The following DCN variants were observed in gnomAD, a reference collection of about 807,000 sequenced individuals.
DCN encodes the protein decorin.
DCN carries 17 observed loss-of-function variants against 36.5 expected under a neutral mutation model. That is an observed-to-expected ratio of 0.47 (90% CI 0.32 to 0.70). The LOEUF is 0.70. Among genes scored for constraint, DCN ranks in the 30% least tolerant of loss-of-function variants. The pLI is 0.04. For missense variants in DCN, 389 were observed against 430.1 expected (o/e 0.90, Z 0.84); for synonymous variants, 163 against 161.4 (o/e 1.01, Z -0.07).
intron 2 of DCN, chr12:91,177,287 T>C: frequency 5.0e-6 from 2 of 401,206 alleles, no homozygotes; most frequent in South Asian, 9.7e-5. Context: ...TTTTTCTGGG[T>C]TCCTATAGGC....
intron 7 of DCN, among the ~76,000 whole-genome samples, chr12:91,150,265 C>G (rs989124957): frequency 1.3e-5 from 2 of 152,060 alleles, no homozygotes; most frequent in Non-Finnish European, 2.9e-5. Context: ...CATTTATGAT[C>G]GAGTGATTTT....
At chr12:91,173,022 T>TC (rs1197137029) in intron 2 of DCN, among the ~76,000 whole-genome samples, 1 of 152,100 alleles carries the variant, frequency 6.6e-6, no homozygotes, top group African/African-American at 2.4e-5. Flanking sequence ...GTTAAAGCAG[T>TC]CCACAGACTA....
chr12:91,180,552 G>A (rs1392836193), intron 1 of DCN: 1 of 152,106 alleles, frequency 6.6e-6, no homozygotes, highest in Non-Finnish European at 1.5e-5. Context: ...CTACTGATAT[G>A]TGTCTAAGGC....
chr12:91,156,035 G>GA (rs1881744497), intron 5 of DCN, among the ~76,000 whole-genome samples: 1 of 152,190 alleles, frequency 6.6e-6, no homozygotes, highest in Admixed American at 6.5e-5. Flanking sequence ...AGACTGAGGG[G>GA]AAAACTAGAT....
chr12:91,157,852 TCTC>T (rs1225765082), intron 4 of DCN, among the ~76,000 whole-genome samples: 6 of 152,066 alleles, frequency 3.9e-5, no homozygotes, highest in Non-Finnish European at 8.8e-5. Flanking sequence ...ATGGTCTCGA[TCTC>T]CTGACCTCGT....
chr12:91,177,541 C>T (rs892812394), intron 2 of DCN: 2 of 702,002 alleles, frequency 2.8e-6, no homozygotes, highest in Admixed American at 2.0e-5. Flanking sequence ...AGTTCATTCC[C>T]CTTTGGCCCA....
At chr12:91,159,938 G>A (rs917233999) in intron 3 of DCN, among the ~76,000 whole-genome samples, 2 of 152,056 alleles carry the variant, frequency 1.3e-5, no homozygotes, top group African/African-American at 2.4e-5. Context: ...ATAGGAAAGC[G>A]AGTATTTTTA....
At chr12:91,158,534 T>C in intron 3 of DCN, 25 bp from the exon 4 acceptor site, 1 of 1,227,982 alleles carries the variant, frequency 8.1e-7, no homozygotes, top group Non-Finnish European at 1.2e-6. Flanking sequence ...GAAAAACATC[T>C]CTTTAAATCC....
intron 2 of DCN, chr12:91,175,467 G>T (rs1232241879): frequency 1.3e-5 from 2 of 151,886 alleles, no homozygotes; most frequent in Admixed American, 6.6e-5. Flanking sequence ...AATTTCATAG[G>T]TTTTTACTTC....
intron 2 of DCN, chr12:91,176,592 T>C (rs1366943389): frequency 6.6e-6 from 1 of 152,128 alleles, no homozygotes; most frequent in Non-Finnish European, 1.5e-5. Context: ...AGTGCTTTCA[T>C]CAGGGTCAAG....
At chr12:91,154,159 C>T (rs1031899597) in intron 5 of DCN, among the ~76,000 whole-genome samples, 9 of 152,092 alleles carry the variant, frequency 5.9e-5, no homozygotes, top group African/African-American at 1.9e-4. Context: ...TCACATCACA[C>T]TGAATTCTGT....
chr12:91,165,025 T>G (rs898866263), intron 2 of DCN, among the ~76,000 whole-genome samples: 1 of 152,212 alleles, frequency 6.6e-6, no homozygotes, highest in South Asian at 2.1e-4. Context: ...ATGTTTTACC[T>G]CTTTGTTGTT....
chr12:91,162,901 A>C (rs1882250528), intron 3 of DCN, among the ~76,000 whole-genome samples: 1 of 152,080 alleles, frequency 6.6e-6, no homozygotes, highest in Non-Finnish European at 1.5e-5. Context: ...CCACCTCTCC[A>C]TCCACGGTGC....
At chr12:91,154,455 G>A (rs987164821) in intron 5 of DCN, among the ~76,000 whole-genome samples, 2 of 152,014 alleles carry the variant, frequency 1.3e-5, no homozygotes, top group African/African-American at 4.8e-5. Context: ...ATTTTTTAAT[G>A]CAGTGCCTCC....
rs1301680727 is a variant in DCN, at chr12:91,178,611, A to AC, written c.-33-27_-33-26insG. The AC allele has an allele frequency of 1.2e-3, 1,787 of 1,431,962 alleles. 6 individuals carry two copies. Among genetic ancestry groups the AC allele is most frequent in the Middle Eastern group, 8.7e-3 (50 of 5,752 alleles). The allele number at this position is 1,431,962 out of a possible 1,614,324, so 88.7% of individuals were successfully genotyped here. On this transcript the variant is annotated intron_variant, in intron 1 of 7. Coordinates refer to ENST00000052754, the MANE Select transcript of DCN (RefSeq NM_001920.5). ...CTAGGAAACAAATGAGAGATTTAAGAAGAGTAGCACTGCCTAATCTGTGTG... is the reference window on the plus strand; with the variant it reads ...CTAGGAAACAAATGAGAGATTTAAGACAGAGTAGCACTGCCTAATCTGTGTG...
At chr12:91,156,982 A>G in intron 5 of DCN, 93 bp downstream of exon 5, 1 of 854,178 alleles carries the variant, frequency 1.2e-6, no homozygotes, top group East Asian at 2.6e-5. Flanking sequence ...TTGGCCTCTT[A>G]GGTGACAATT....
chr12:91,169,053 A>G (rs1433326664), intron 2 of DCN, among the ~76,000 whole-genome samples: 1 of 152,188 alleles, frequency 6.6e-6, no homozygotes, highest in Non-Finnish European at 1.5e-5. Flanking sequence ...AATCCTCTAA[A>G]TTCCAAAAGA....
intron 5 of DCN, among the ~76,000 whole-genome samples, chr12:91,153,590 A>T (rs1804071407): frequency 6.6e-6 from 1 of 152,174 alleles, no homozygotes; most frequent in South Asian, 2.1e-4. Flanking sequence ...GAGATTACGT[A>T]TAAATTAAAC....
chr12:91,164,727 G>C lies in DCN; in HGVS notation c.212-10C>G, dbSNP rs780406074. ...GGCACTTTGTCCAGACCTAGCATAA[G>C]AGTAATAGGAGTGTGCTGTGAGTAG... On this transcript the variant is annotated splice_polypyrimidine_tract_variant and intron_variant, in intron 2 of 7. Coordinates refer to ENST00000052754, the MANE Select transcript of DCN (RefSeq NM_001920.5). 10 of 1,345,790 alleles carry C rather than the reference G, an allele frequency of 7.4e-6. No homozygotes were observed. Among genetic ancestry groups the C allele is most frequent in the Non-Finnish European group, 8.6e-6 (8 of 935,100 alleles). 83.4% of individuals were successfully genotyped at this position (1,345,790 alleles called of 1,614,324 possible).
Sources: allele counts gnomAD v4.1 joint callset (sites outside exome capture counted in the v4.1 genomes callset), GRCh38; gene constraint gnomAD v4.1.1; transcripts MANE v1.5; gene names NCBI Gene and HGNC (gene_info 2026-07-23, HGNC 2026-07-21).